Variants in ESRRB observed in about 807,000 individuals in gnomAD.
The protein encoded by ESRRB is estrogen related receptor beta.
In ESRRB, 16 loss-of-function variants were observed where a neutral mutation model predicts 46.0. The ratio of observed to expected loss-of-function variants is 0.35; its 90% CI spans 0.24 to 0.53. The LOEUF (loss-of-function observed/expected upper bound fraction) is 0.53. ESRRB is among the 20% of genes least tolerant of loss of function. The pLI is 0.93. For synonymous variants in ESRRB, 246 were observed against 259.6 expected (o/e 0.95, Z 0.50); for missense variants, 488 against 607.4 (o/e 0.80, Z 2.07).
chr14:76,488,040 T>C (rs1189505567), intron 5 of ESRRB, among the ~76,000 whole-genome samples: 2 of 152,206 alleles, frequency 1.3e-5, no homozygotes, highest in Non-Finnish European at 2.9e-5. Flanking sequence ...AAGCCAAATG[T>C]AGACACAAAT....
At chr14:76,371,952 G>A (rs1278448879), upstream of ESRRB, among the ~76,000 whole-genome samples, 2 of 152,188 alleles carry the variant, frequency 1.3e-5, no homozygotes, top group South Asian at 2.1e-4. Flanking sequence ...TGCCTCATTT[G>A]TGCAAAAATG....
intron 1 of ESRRB, among the ~76,000 whole-genome samples, chr14:76,359,215 G>C (rs1884434667): frequency 6.6e-6 from 1 of 152,208 alleles, no homozygotes; most frequent in Non-Finnish European, 1.5e-5. Context: ...TGTGCAGAAT[G>C]AATTGATTTT....
At chr14:76,439,255 T>C in intron 1 of ESRRB, 86 bp from the exon 2 acceptor site, 1 of 1,489,680 alleles carries the variant, frequency 6.7e-7, no homozygotes, top group Non-Finnish European at 9.3e-7. Context: ...ATAGAGCCCT[T>C]CCCAGCCACC....
intron 1 of ESRRB, among the ~76,000 whole-genome samples, chr14:76,319,470 G>A (rs563321174): frequency 6.6e-6 from 1 of 152,166 alleles, no homozygotes; most frequent in South Asian, 2.1e-4. Context: ...AAGGAGTATT[G>A]TGGTCAGCCA....
intron 1 of ESRRB, among the ~76,000 whole-genome samples, chr14:76,321,222 T>C (rs1262510852): frequency 3.9e-5 from 6 of 152,236 alleles, no homozygotes; most frequent in Admixed American, 6.5e-5. Flanking sequence ...GATTCCTTTA[T>C]ATATTGAACC....
In ESRRB at chr14:76,376,835, T is replaced by C. The variant is rs540330512; in HGVS notation, c.50+384T>C. 6.6e-6 allele frequency among the ~76,000 whole-genome samples: 1 copy of C among 152,174 alleles called. No individual in the cohort carries two copies. The highest frequency in any genetic ancestry group is 2.4e-5 in the African/African-American group (1 of 41,438). Reference sequence around the variant, plus strand: ...GGGATGTGGTTGCAAGGATGTCCTGTCCCGTCAGAGAAAGCCTTTCCCGCG... The same window carrying C: ...GGGATGTGGTTGCAAGGATGTCCTGCCCCGTCAGAGAAAGCCTTTCCCGCG... On this transcript the variant is annotated intron_variant, in intron 1 of 6. Transcript: ENST00000644823. The surrounding 1 kb of genome is among the most constrained non-coding windows in gnomAD (Gnocchi z 4.1).
intron 3 of ESRRB, among the ~76,000 whole-genome samples, chr14:76,476,646 A>G (rs1412348972): frequency 1.3e-5 from 2 of 152,242 alleles, no homozygotes; most frequent in Non-Finnish European, 2.9e-5. Context: ...CAGCGTAAGC[A>G]TGGATAAATG....
upstream of ESRRB, among the ~76,000 whole-genome samples, chr14:76,369,590 C>T (rs1241769667): frequency 2.0e-5 from 3 of 152,102 alleles, no homozygotes; most frequent in Non-Finnish European, 4.4e-5. Flanking sequence ...TTTGATTTTT[C>T]CTAAAACCTG....
chr14:76,332,866 A>T (rs865888214), intron 1 of ESRRB, among the ~76,000 whole-genome samples: 19 of 10,696 alleles, frequency 1.8e-3, no homozygotes, highest in Middle Eastern at 0.12. Context: ...ATTTATATAT[A>T]ATATATTTTT....
chr14:76,439,441 C>T lies in ESRRB; in HGVS notation c.151C>T (p.Leu51Phe). ...PSSPSSGIDA[L>F]SHHSPSGSSD... Reference sequence around the variant, plus strand: ...CAGCCCGTCCTCGGGCATCGATGCCCTCAGCCACCACAGCCCCAGTGGCTC... The same window carrying T: ...CAGCCCGTCCTCGGGCATCGATGCCTTCAGCCACCACAGCCCCAGTGGCTC... Residue 51 changes from leucine (L) to phenylalanine (F), a missense_variant, in exon 2 of 7, where the codon CTC becomes TTC. Coordinates refer to ENST00000644823, the MANE Select transcript of ESRRB (RefSeq NM_001379180.1). 1.9e-6 allele frequency: 3 copies of T among 1,613,612 alleles called. No individual in the cohort carries two copies. The highest frequency in any genetic ancestry group is 2.5e-6 in the Non-Finnish European group (3 of 1,179,898).
intron 1 of ESRRB, among the ~76,000 whole-genome samples, chr14:76,396,577 T>C (rs576262372): frequency 4.6e-5 from 7 of 152,282 alleles, no homozygotes; most frequent in East Asian, 1.9e-4. Context: ...AAGAAAAACA[T>C]TGAAATACAA....
chr14:76,330,753 G>A (rs1884004101), intron 1 of ESRRB, among the ~76,000 whole-genome samples: 1 of 152,200 alleles, frequency 6.6e-6, no homozygotes, highest in Admixed American at 6.5e-5. Flanking sequence ...GAAACCTTGT[G>A]AGCAAAGGCT....
At chr14:76,478,417 C>T (rs1889667180) in intron 3 of ESRRB, among the ~76,000 whole-genome samples, 2 of 147,362 alleles carry the variant, frequency 1.4e-5, no homozygotes, top group Non-Finnish European at 3.0e-5. Flanking sequence ...ATCTCCTTGC[C>T]TTGCCGAGGG....
At chr14:76,384,862 A>G (rs1885156463) in intron 1 of ESRRB, among the ~76,000 whole-genome samples, 1 of 152,012 alleles carries the variant, frequency 6.6e-6, no homozygotes, top group Non-Finnish European at 1.5e-5. Context: ...TTTGGCTTCT[A>G]TGAGGCCGTT....
At chr14:76,477,925 T>G (rs537182608) in intron 3 of ESRRB, among the ~76,000 whole-genome samples, 1 of 152,328 alleles carries the variant, frequency 6.6e-6, no homozygotes, top group South Asian at 2.1e-4. Flanking sequence ...TGAATCTCTC[T>G]GAGCCTCAGT....
rs866982651 is a variant in ESRRB at position 76,489,445 on chromosome 14, C to A, written c.851-2002C>A. ...TCTCCCATGCAGGGAATCTGGACAA[C>A]CACACACACACACACACACACACAC... On this transcript the variant is annotated intron_variant, in intron 5 of 6. Coordinates refer to ENST00000644823, the MANE Select transcript of ESRRB (RefSeq NM_001379180.1). Among the ~76,000 whole-genome samples the A allele has an allele frequency of 8.6e-4, 111 of 129,678 alleles. No homozygotes were observed. The Middle Eastern group carries it at 0.012, about 14-fold the overall frequency. The allele number at this position is 129,678 out of a possible 152,430, so 85.1% of individuals were successfully genotyped here.
chr14:76,456,329 T>C (rs1307162105), intron 2 of ESRRB, among the ~76,000 whole-genome samples: 1 of 152,122 alleles, frequency 6.6e-6, no homozygotes, highest in Non-Finnish European at 1.5e-5. Flanking sequence ...CATAGACAGG[T>C]GTGCTCCATG....
upstream of ESRRB, among the ~76,000 whole-genome samples, chr14:76,375,161 C>T (rs996811762): frequency 6.6e-6 from 1 of 151,646 alleles, no homozygotes; most frequent in African/African-American, 2.4e-5. Context: ...ACCTACCCCC[C>T]TCCCCACACT....
chr14:76,375,214 AT>A (rs990281278), upstream of ESRRB, among the ~76,000 whole-genome samples: 52 of 151,856 alleles, frequency 3.4e-4, no homozygotes, highest in African/African-American at 1.2e-3. Flanking sequence ...TGGCTGGTGC[AT>A]CTCAAAAGAT....
Sources: allele counts gnomAD v4.1 joint callset (sites outside exome capture counted in the v4.1 genomes callset), GRCh38; gene constraint gnomAD v4.1.1; non-coding constraint Gnocchi (gnomAD v3.1); transcripts MANE v1.5; gene names NCBI Gene and HGNC (gene_info 2026-07-23, HGNC 2026-07-21).